The following CSGALNACT1 variants were observed in gnomAD, a reference collection of about 807,000 sequenced individuals.
CSGALNACT1 encodes the protein chondroitin sulfate N-acetylgalactosaminyltransferase 1.
A neutral mutation model predicts 51.0 loss-of-function variants in CSGALNACT1; 52 were observed. The observed-to-expected ratio is 1.02, with a 90% CI of 0.82 to 1.29. The LOEUF (loss-of-function observed/expected upper bound fraction) is 1.29, where lower values mean the gene tolerates loss of function less well. Ranked by LOEUF, CSGALNACT1 falls within the 50% of genes most tolerant of loss-of-function variation. The pLI is 0.00. For synonymous variants in CSGALNACT1, 341 were observed against 254.4 expected (o/e 1.34, Z -3.24); for missense variants, 935 against 679.2 (o/e 1.38, Z -4.19).
At chr8:19,564,914 TA>T (rs2041598308) in intron 3 of CSGALNACT1, among the ~76,000 whole-genome samples, 2 of 152,220 alleles carry the variant, frequency 1.3e-5, no homozygotes, top group Admixed American at 1.3e-4. Flanking sequence ...AGGGATTCAG[TA>T]AATATTGGTA....
chr8:19,718,001 A>G (rs2062908689), intron 1 of CSGALNACT1, among the ~76,000 whole-genome samples: 1 of 152,174 alleles, frequency 6.6e-6, no homozygotes, highest in Non-Finnish European at 1.5e-5. Flanking sequence ...CCATCAAGCC[A>G]TCGCAGGGCT....
Position 19,672,768 on chromosome 8 carries a change from A to G in CSGALNACT1, c.-544+9705T>C, listed in dbSNP as rs559417630. On this transcript the variant is annotated intron_variant, in intron 1 of 9. Coordinates refer to the CSGALNACT1 transcript ENST00000332246. ...AGAAACTTATTTTTTATACTGTCAC[A>G]CCAAGATGAAAAAGCCTGAAAATGA... Among the ~76,000 whole-genome samples, 3 of 152,326 alleles carry G rather than the reference A, an allele frequency of 2.0e-5. No homozygotes were observed. The East Asian group carries it at 5.8e-4, about 29-fold the overall frequency.
intron 1 of CSGALNACT1, among the ~76,000 whole-genome samples, chr8:19,661,441 A>G (rs529343715): frequency 8.5e-4 from 129 of 152,328 alleles, no homozygotes; most frequent in African/African-American, 3.1e-3. Flanking sequence ...AAAAACTCTC[A>G]ATGAAAAACT....
chr8:19,484,800 G>A (rs1752358869), intron 4 of CSGALNACT1, among the ~76,000 whole-genome samples: 1 of 152,182 alleles, frequency 6.6e-6, no homozygotes, highest in South Asian at 2.1e-4. Flanking sequence ...CAATGGGGCT[G>A]CTCTGGTGGG....
At chr8:19,724,833 C>T (rs569269878) in intron 1 of CSGALNACT1, among the ~76,000 whole-genome samples, 65 of 152,268 alleles carry the variant, frequency 4.3e-4, no homozygotes, top group African/African-American at 1.6e-3. Flanking sequence ...TGTGTCATGA[C>T]CTTTCAGGGA....
At chr8:19,704,975 C>G (rs1472180710) in intron 1 of CSGALNACT1, among the ~76,000 whole-genome samples, 2 of 152,166 alleles carry the variant, frequency 1.3e-5, no homozygotes, top group Admixed American at 1.3e-4. Context: ...ATGATGCAAA[C>G]TTTCCATTAC....
chr8:19,459,155 G>A (rs2064798595), intron 4 of CSGALNACT1, among the ~76,000 whole-genome samples: 1 of 152,002 alleles, frequency 6.6e-6, no homozygotes, highest in African/African-American at 2.4e-5. Context: ...AGAGACTGAG[G>A]TGGGCATATC....
chr8:19,567,683 T>G (rs1358682768), intron 3 of CSGALNACT1, among the ~76,000 whole-genome samples: 1 of 152,062 alleles, frequency 6.6e-6, no homozygotes, highest in African/African-American at 2.4e-5. Flanking sequence ...AAAGACAAAA[T>G]TAGAATGTCA....
intron 1 of CSGALNACT1, among the ~76,000 whole-genome samples, chr8:19,716,476 T>C (rs764639706): frequency 6.7e-6 from 1 of 149,168 alleles, no homozygotes; most frequent in Non-Finnish European, 1.5e-5. Flanking sequence ...TTTCCCTTTT[T>C]AAAAAAAAAA....
chr8:19,661,540 T>C (rs2058743251), intron 1 of CSGALNACT1, among the ~76,000 whole-genome samples: 2 of 152,238 alleles, frequency 1.3e-5, no homozygotes, highest in Non-Finnish European at 2.9e-5. Flanking sequence ...CTTTCAAATG[T>C]TCTGTAATAC....
intron 4 of CSGALNACT1, among the ~76,000 whole-genome samples, chr8:19,474,627 G>A (rs1586789466): frequency 6.6e-6 from 1 of 152,102 alleles, no homozygotes; most frequent in East Asian, 1.9e-4. Context: ...CAACACTTTG[G>A]GAGGCCCGAG....
At chr8:19,475,782 G>C (rs111750985) in intron 4 of CSGALNACT1, among the ~76,000 whole-genome samples, 125 of 152,270 alleles carry the variant, frequency 8.2e-4, no homozygotes, top group African/African-American at 2.8e-3. Flanking sequence ...CCTGTGTTGT[G>C]GCAAGTCATA....
intron 4 of CSGALNACT1, among the ~76,000 whole-genome samples, chr8:19,489,972 C>A (rs1303796173): frequency 1.3e-5 from 2 of 152,168 alleles, no homozygotes; most frequent in Non-Finnish European, 2.9e-5. Context: ...AAATTCTGCT[C>A]CAAGCTCAGA....
intron 5 of CSGALNACT1, among the ~76,000 whole-genome samples, chr8:19,442,603 G>T (rs1332031739): frequency 1.3e-5 from 2 of 150,956 alleles, no homozygotes; most frequent in African/African-American, 4.9e-5. Flanking sequence ...ATAGCATTAG[G>T]ATATATGCCT....
chr8:19,434,512 C>T (rs1269004797), intron 6 of CSGALNACT1, among the ~76,000 whole-genome samples: 1 of 152,146 alleles, frequency 6.6e-6, no homozygotes, highest in Non-Finnish European at 1.5e-5. Flanking sequence ...TCTCCTGGTT[C>T]ATTAGAAAAA....
chr8:19,624,334 C>T (rs573758005), intron 1 of CSGALNACT1, among the ~76,000 whole-genome samples: 69 of 152,282 alleles, frequency 4.5e-4, no homozygotes, highest in African/African-American at 1.4e-3. Context: ...GTATTCTCCA[C>T]CAGTGAAGAT....
At chr8:19,476,588 G>A (rs920137366) in intron 4 of CSGALNACT1, among the ~76,000 whole-genome samples, 1 of 151,948 alleles carries the variant, frequency 6.6e-6, no homozygotes, top group Non-Finnish European at 1.5e-5. Context: ...AAATTCTTTG[G>A]CAATGTCCCC....
chr8:19,527,020 A>G (rs1409849509), intron 3 of CSGALNACT1, among the ~76,000 whole-genome samples: 1 of 152,184 alleles, frequency 6.6e-6, no homozygotes, highest in East Asian at 1.9e-4. Flanking sequence ...CTACCCACCT[A>G]TCTATATCTA....
intron 3 of CSGALNACT1, among the ~76,000 whole-genome samples, chr8:19,531,004 C>G (rs2082667745): frequency 6.6e-6 from 1 of 152,198 alleles, no homozygotes; most frequent in Non-Finnish European, 1.5e-5. Context: ...GATCTTCAAG[C>G]CTGACACTTC....
Sources: gnomAD v4.1 joint callset for allele counts (sites outside exome capture counted in the v4.1 genomes callset) on GRCh38, gnomAD v4.1.1 for gene constraint, MANE v1.5 for transcripts, NCBI Gene and HGNC (gene_info 2026-07-23, HGNC 2026-07-21) for gene names.